KLHL13: variants seen among roughly 807,000 people sequenced by gnomAD.
KLHL13 encodes kelch like family member 13, also known as kelch-like protein 13.
Under a neutral mutation model 37.1 loss-of-function variants are expected in KLHL13, and 10 were observed. That is an observed-to-expected ratio of 0.27 (90% CI 0.17 to 0.46). The LOEUF is 0.46. KLHL13 is among the 20% of genes least tolerant of loss of function. The pLI is 1.00. For missense variants in KLHL13, 360 were observed against 509.3 expected (o/e 0.71, Z 2.82); for synonymous variants, 163 against 181.2 (o/e 0.90, Z 0.81).
chrX:117,991,800 T>C lies in KLHL13; in HGVS notation c.-55-46225A>G, dbSNP rs182668794. Among the ~76,000 whole-genome samples the C allele has an allele frequency of 2.3e-3, 255 of 108,924 alleles. 2 individuals carry two copies. The Middle Eastern group carries it at 0.024, about 10-fold the overall frequency. 94.6% of individuals were successfully genotyped at this position (108,924 alleles called of 115,157 possible). ...AAGAAAGGAAAATTAGGCAAAGCTC[T>C]TGGCCAAAGCTTTCCTTATCTCAAA... is the stretch of plus-strand genomic sequence containing the variant. On this transcript the variant is annotated intron_variant, in intron 1 of 6. Coordinates refer to the KLHL13 transcript ENST00000371882.
chrX:118,052,606 T>C (rs1414157532), intron 1 of KLHL13, among the ~76,000 whole-genome samples: 12 of 105,663 alleles, frequency 1.1e-4, no homozygotes, highest in African/African-American at 4.2e-4. Context: ...GGTGGGCAGA[T>C]CATGAGGTCA....
intron 1 of KLHL13, among the ~76,000 whole-genome samples, chrX:117,993,805 C>T (rs1370025588): frequency 9.4e-6 from 1 of 106,521 alleles, no homozygotes; most frequent in African/African-American, 3.5e-5. Flanking sequence ...GGCATGATCT[C>T]GGCTCACTGC....
chrX:117,936,755 C>T (rs1394993282), intron 2 of KLHL13, among the ~76,000 whole-genome samples: 1 of 111,074 alleles, frequency 9.0e-6, no homozygotes, highest in East Asian at 2.8e-4. Flanking sequence ...TGTGGTATAC[C>T]CATAACTTCT....
At position 118,092,025 on chromosome X, in the gene KLHL13, T is replaced by A. The variant is rs996047669; in HGVS notation, c.-56+24483A>T. 2.7e-5 allele frequency among the ~76,000 whole-genome samples: 3 copies of A among 111,749 alleles called. No individual in the cohort carries two copies. In the South Asian group the frequency reaches 1.1e-3, roughly 42 times the overall value. On this transcript the variant is annotated intron_variant, in intron 1 of 6. Coordinates refer to the KLHL13 transcript ENST00000371882. ...GCTAAGCTATGAGGATGCAAAGGCATAAGAATGATACATTAGACTTTGGAC... is the reference window on the plus strand; with the variant it reads ...GCTAAGCTATGAGGATGCAAAGGCAAAAGAATGATACATTAGACTTTGGAC...
chrX:117,979,130 C>A (rs2053630328), intron 1 of KLHL13, among the ~76,000 whole-genome samples: 1 of 110,936 alleles, frequency 9.0e-6, no homozygotes, highest in African/African-American at 3.3e-5. Flanking sequence ...TGGGTTTTTA[C>A]CACGTTGGCC....
chrX:117,902,835 C>T lies in KLHL13; in HGVS notation c.1367-889G>A, dbSNP rs73595628. Among the ~76,000 whole-genome samples the T allele has an allele frequency of 2.1e-3, 232 of 111,027 alleles. 2 individuals are homozygous for T. Among genetic ancestry groups the T allele is most frequent in the African/African-American group, 7.5e-3 (229 of 30,636 alleles). On this transcript the variant is annotated intron_variant, in intron 5 of 6. Coordinates refer to ENST00000262820, the Ensembl canonical transcript of KLHL13. ...TATTTATTGCAGACACTGCCAACTG[C>T]TAATCCAATTTCTTGCGTCCCCCAA...
At position 117,944,603 on chromosome X, in the gene KLHL13, G is replaced by A. The variant is rs181105165; in HGVS notation, c.240+831C>T. Reference sequence around the variant, plus strand: ...GATATGCATGAAATCCATCTGGGGAGATTTCTTTTAAATATGCATTTAGAA... The same window carrying A: ...GATATGCATGAAATCCATCTGGGGAAATTTCTTTTAAATATGCATTTAGAA... On this transcript the variant is annotated intron_variant, in intron 2 of 6. Coordinates refer to ENST00000262820, the Ensembl canonical transcript of KLHL13. Among the ~76,000 whole-genome samples the A allele has an allele frequency of 1.3e-4, 15 of 111,460 alleles. No homozygotes were observed. The East Asian group carries it at 4.0e-3, about 29-fold the overall frequency.
chrX:117,985,447 T>TAA (rs555339137), intron 1 of KLHL13: 30,834 of 592,221 alleles, frequency 0.052, 379 homozygotes, highest in African/African-American at 0.12. Flanking sequence ...TTTATATATT[T>TAA]AAAAAAAAAA....
At chrX:118,010,938 T>G (rs2054059229) in intron 1 of KLHL13, among the ~76,000 whole-genome samples, 1 of 108,581 alleles carries the variant, frequency 9.2e-6, no homozygotes, top group African/African-American at 3.4e-5. Flanking sequence ...CCAGGCATGG[T>G]GGCACACGCC....
intron 1 of KLHL13, among the ~76,000 whole-genome samples, chrX:117,993,321 T>G (rs915303586): frequency 1.8e-5 from 2 of 111,650 alleles, no homozygotes; most frequent in African/African-American, 6.5e-5. Flanking sequence ...GAGACAAAAT[T>G]GACAGGATTT....
At chrX:118,027,470 GC>G (rs940019149) in intron 1 of KLHL13, among the ~76,000 whole-genome samples, 1 of 110,999 alleles carries the variant, frequency 9.0e-6, no homozygotes, top group Non-Finnish European at 1.9e-5. Flanking sequence ...ACTTAAAAAA[GC>G]AACTTGATTT....
chrX:118,043,592 T>A (rs1331947595), intron 1 of KLHL13, among the ~76,000 whole-genome samples: 1 of 111,712 alleles, frequency 9.0e-6, no homozygotes, highest in African/African-American at 3.3e-5. Context: ...CATACATAAA[T>A]CAATCAATGT....
chrX:117,925,575 T>C (rs1295511740), intron 2 of KLHL13, among the ~76,000 whole-genome samples: 1 of 111,881 alleles, frequency 8.9e-6, no homozygotes, highest in Admixed American at 9.5e-5. Flanking sequence ...ATATATAGGC[T>C]GGACATAAAT....
intron 1 of KLHL13, among the ~76,000 whole-genome samples, chrX:117,998,362 C>T (rs1399863586): frequency 9.9e-5 from 11 of 111,252 alleles, no homozygotes; most frequent in African/African-American, 3.6e-4. Context: ...AGAGAGAAAC[C>T]GCATAGTAAT....
rs769520141 is a variant in KLHL13, at chrX:118,021,877, C to A, written c.-55-76302G>T. Among the ~76,000 whole-genome samples the A allele has an allele frequency of 2.7e-5, 3 of 111,742 alleles. No homozygotes were observed. The East Asian group carries it at 8.5e-4, about 31-fold the overall frequency. The stretch of plus-strand genomic sequence containing the variant: ...CAACAGTGTAAAAGTGTTCCTATTT[C>A]TCCACATCCTCTCCAGCACCTGTTG... On this transcript the variant is annotated intron_variant, in intron 1 of 6. Transcript: ENST00000371882.
intron 1 of KLHL13, among the ~76,000 whole-genome samples, chrX:118,022,657 G>C (rs922932384): frequency 9.0e-6 from 1 of 111,518 alleles, no homozygotes; most frequent in Non-Finnish European, 1.9e-5. Flanking sequence ...TATCTATTCA[G>C]GTCCTTTGCT....
Position 118,054,558 on chromosome X carries a change from TAAC to T in KLHL13, c.-56+61947_-56+61949del, listed in dbSNP as rs945274273. ...GCTCAAACACTAAGCAACATCTAAATAACAACAAGAAGACATAAAAGTATTTCT... is the reference window on the plus strand; with the variant it reads ...GCTCAAACACTAAGCAACATCTAAATAACAAGAAGACATAAAAGTATTTCT... On this transcript the variant is annotated intron_variant, in intron 1 of 6. Coordinates refer to the KLHL13 transcript ENST00000371882. 7.2e-5 allele frequency among the ~76,000 whole-genome samples: 8 copies of T among 111,800 alleles called. No individual in the cohort carries two copies. The East Asian group carries it at 2.2e-3, about 31-fold the overall frequency.
intron 1 of KLHL13, among the ~76,000 whole-genome samples, chrX:118,043,931 TG>T (rs1228923718): frequency 8.9e-6 from 1 of 111,813 alleles, no homozygotes; most frequent in East Asian, 2.8e-4. Context: ...GCTTACAAAA[TG>T]GAAAGGAAGA....
chrX:118,044,230 T>A (rs2054533627), intron 1 of KLHL13, among the ~76,000 whole-genome samples: 1 of 110,886 alleles, frequency 9.0e-6, no homozygotes, highest in African/African-American at 3.3e-5. Context: ...AAAATTGAAG[T>A]GGACACAACA....
Sources: allele counts gnomAD v4.1 joint callset (sites outside exome capture counted in the v4.1 genomes callset), GRCh38; gene constraint gnomAD v4.1.1; transcripts MANE v1.5; gene names NCBI Gene and HGNC (gene_info 2026-07-23, HGNC 2026-07-21).